Variants in MAPK10 observed in about 807,000 individuals in gnomAD.
MAPK10 encodes mitogen-activated protein kinase 10.
MAPK10 carries 25 observed loss-of-function variants against 59.3 expected under a neutral mutation model. The ratio of observed to expected loss-of-function variants is 0.42; its 90% CI spans 0.31 to 0.59. The LOEUF is 0.59. MAPK10 is among the 20% of genes least tolerant of loss of function. The pLI is 0.15. For synonymous variants in MAPK10, 190 were observed against 200.5 expected (o/e 0.95, Z 0.44); for missense variants, 351 against 568.9 (o/e 0.62, Z 3.90).
chr4:86,593,967 A>T (rs933548795), exon 1 of MAPK10: 1 of 152,210 alleles, frequency 6.6e-6, no homozygotes, highest in Non-Finnish European at 1.5e-5. Context: ...TGAAGTTAGA[A>T]GTGTGGGGGT....
chr4:86,322,773 A>G (rs2095927832), intron 2 of MAPK10, among the ~76,000 whole-genome samples: 1 of 152,244 alleles, frequency 6.6e-6, no homozygotes, highest in African/African-American at 2.4e-5. Context: ...TTTTAAAGCT[A>G]ATAAATGTGG....
intron 2 of MAPK10, among the ~76,000 whole-genome samples, chr4:86,196,672 C>T (rs1378675607): frequency 6.6e-6 from 1 of 152,112 alleles, no homozygotes; most frequent in African/African-American, 2.4e-5. Context: ...AGGTTTTCTT[C>T]TAGAGTTTTT....
At chr4:86,586,134 T>C (rs1175720354) in intron 1 of MAPK10, among the ~76,000 whole-genome samples, 3 of 152,220 alleles carry the variant, frequency 2.0e-5, no homozygotes, top group African/African-American at 4.8e-5. Context: ...TGTTCTAACA[T>C]GGCTAAGTTT....
intron 11 of MAPK10, among the ~76,000 whole-genome samples, chr4:86,061,149 G>A (rs939622031): frequency 2.0e-5 from 3 of 152,160 alleles, no homozygotes; most frequent in African/African-American, 7.2e-5. Context: ...GAAAGGTTAA[G>A]CAACTTGATC....
At chr4:86,569,138 G>T (rs896724971) in intron 1 of MAPK10, among the ~76,000 whole-genome samples, 2 of 151,980 alleles carry the variant, frequency 1.3e-5, no homozygotes, top group Non-Finnish European at 2.9e-5. Context: ...AGTAGGCAGA[G>T]GACGTGAACA....
chr4:86,140,618 G>A (rs940003481), intron 4 of MAPK10, among the ~76,000 whole-genome samples: 1 of 150,796 alleles, frequency 6.6e-6, no homozygotes, highest in Non-Finnish European at 1.5e-5. Context: ...CACCAGCATG[G>A]CACATGTATA....
intron 3 of MAPK10, among the ~76,000 whole-genome samples, chr4:86,167,345 G>A (rs2072121645): frequency 6.6e-6 from 1 of 152,132 alleles, no homozygotes. Context: ...TGAAAAGGAG[G>A]AACTTCCCTG....
At chr4:86,428,396 C>T (rs1423045921) in intron 1 of MAPK10, among the ~76,000 whole-genome samples, 1 of 152,140 alleles carries the variant, frequency 6.6e-6, no homozygotes, top group Non-Finnish European at 1.5e-5. Context: ...TGTGCTCAAA[C>T]AATCCTCCCA....
At chr4:86,176,846 C>T (rs2075805025) in intron 3 of MAPK10, among the ~76,000 whole-genome samples, 1 of 151,918 alleles carries the variant, frequency 6.6e-6, no homozygotes, top group Admixed American at 6.6e-5. Context: ...CAAGATATAT[C>T]ACATTTTTAT....
At chr4:86,214,525 A>AC (rs1554099618) in intron 2 of MAPK10, among the ~76,000 whole-genome samples, 2,314 of 146,468 alleles carry the variant, frequency 0.016, 70 homozygotes, top group African/African-American at 0.058. Flanking sequence ...AAAAAAAAAA[A>AC]AAAAAAAAAA....
At chr4:86,568,160 G>A (rs1761197875) in intron 1 of MAPK10, among the ~76,000 whole-genome samples, 1 of 152,056 alleles carries the variant, frequency 6.6e-6, no homozygotes, top group Non-Finnish European at 1.5e-5. Flanking sequence ...TAATGATCAA[G>A]CTGAGAACCA....
chr4:86,474,235 A>G (rs1485123553), intron 1 of MAPK10, among the ~76,000 whole-genome samples: 1 of 152,228 alleles, frequency 6.6e-6, no homozygotes, highest in Admixed American at 6.5e-5. Context: ...CTATAAACTT[A>G]CATTTGATTA....
intron 2 of MAPK10, among the ~76,000 whole-genome samples, chr4:86,202,714 A>G (rs17011472): frequency 0.085 from 12,870 of 151,848 alleles, 1,209 homozygotes; most frequent in African/African-American, 0.23. Flanking sequence ...CATGTGGGAA[A>G]TAATAACATC....
intron 1 of MAPK10, among the ~76,000 whole-genome samples, chr4:86,446,270 AG>A (rs1414403801): frequency 6.6e-6 from 1 of 152,224 alleles, no homozygotes; most frequent in Non-Finnish European, 1.5e-5. Context: ...TACTAAATAA[AG>A]TAAAATCGTG....
chr4:86,209,657 T>G (rs908456878), intron 2 of MAPK10, among the ~76,000 whole-genome samples: 6 of 152,174 alleles, frequency 3.9e-5, no homozygotes, highest in Middle Eastern at 3.4e-3. Context: ...AGTCAATGTT[T>G]ATGTATTGGA....
intron 1 of MAPK10, among the ~76,000 whole-genome samples, chr4:86,529,592 C>T (rs1221212011): frequency 2.0e-5 from 3 of 152,092 alleles, no homozygotes; most frequent in Non-Finnish European, 2.9e-5. Context: ...GTTATTTGCT[C>T]GAGCTCCCCT....
intron 2 of MAPK10, among the ~76,000 whole-genome samples, chr4:86,320,168 T>C (rs1205681072): frequency 1.3e-5 from 2 of 152,220 alleles, no homozygotes; most frequent in Admixed American, 1.3e-4. Flanking sequence ...CTGTGGTTTT[T>C]CACATCCGTA....
intron 2 of MAPK10, among the ~76,000 whole-genome samples, chr4:86,298,209 C>T (rs1294594338): frequency 2.0e-5 from 3 of 152,252 alleles, no homozygotes; most frequent in Admixed American, 2.0e-4. Context: ...CACTCTATTA[C>T]AATTTCCTAT....
At chr4:86,114,162 T>C (rs999269119) in intron 4 of MAPK10, among the ~76,000 whole-genome samples, 2 of 152,222 alleles carry the variant, frequency 1.3e-5, no homozygotes, top group Non-Finnish European at 1.5e-5. Flanking sequence ...TTAGAACATA[T>C]TCCTTTAGCT....
Sources: allele counts gnomAD v4.1 joint callset (sites outside exome capture counted in the v4.1 genomes callset), GRCh38; gene constraint gnomAD v4.1.1; transcripts MANE v1.5; gene names NCBI Gene and HGNC (gene_info 2026-07-23, HGNC 2026-07-21).